CTNND2: variants seen among roughly 807,000 people sequenced by gnomAD.
CTNND2 encodes catenin delta-2.
A neutral mutation model predicts 144.4 loss-of-function variants in CTNND2; 22 were observed. The observed-to-expected ratio is 0.15, with a 90% CI of 0.11 to 0.22. CTNND2 has a LOEUF of 0.22. Ranked by LOEUF, CTNND2 falls within the 10% of genes least tolerant of loss-of-function variation. The pLI is 1.00. For synonymous variants in CTNND2, 751 were observed against 695.6 expected, an observed-to-expected ratio of 1.08 and a Z score of -1.25; for missense variants, 1,353 against 1,618.8, an observed-to-expected ratio of 0.84 and a Z score of 2.82.
chr5:11,605,107 T>C (rs1489933143), intron 2 of CTNND2, among the ~76,000 whole-genome samples: 11 of 152,126 alleles, frequency 7.2e-5, no homozygotes, highest in Non-Finnish European at 1.2e-4. Context: ...GAGAAGATTA[T>C]AGGAATACAA....
intron 16 of CTNND2, among the ~76,000 whole-genome samples, chr5:11,031,792 G>A (rs752686012): frequency 3.3e-5 from 5 of 152,228 alleles, no homozygotes; most frequent in Admixed American, 6.5e-5. Flanking sequence ...CATGCTGGAT[G>A]CTTCTTGCCC....
chr5:11,139,360 C>T (rs1756476180), intron 12 of CTNND2, among the ~76,000 whole-genome samples: 1 of 152,218 alleles, frequency 6.6e-6, no homozygotes. Flanking sequence ...GAGTTCAGGA[C>T]TGTGTGAAAG....
chr5:11,065,495 T>C (rs950821542), intron 16 of CTNND2, among the ~76,000 whole-genome samples: 5 of 152,234 alleles, frequency 3.3e-5, no homozygotes, highest in African/African-American at 1.2e-4. Flanking sequence ...AATTCCTCTA[T>C]TTTCCCCTAT....
intron 9 of CTNND2, among the ~76,000 whole-genome samples, chr5:11,344,270 TA>T (rs1754547886): frequency 1.3e-5 from 2 of 152,064 alleles, no homozygotes; most frequent in Non-Finnish European, 2.9e-5. Flanking sequence ...CGGGCGCCTG[TA>T]GTCCCAGCTA....
intron 12 of CTNND2, among the ~76,000 whole-genome samples, chr5:11,157,615 C>T (rs1176175562): frequency 6.6e-6 from 1 of 152,194 alleles, no homozygotes; most frequent in Non-Finnish European, 1.5e-5. Context: ...AGAAGCAGCA[C>T]AGGAAGTCAT....
chr5:11,394,121 T>C (rs969927408), intron 6 of CTNND2, among the ~76,000 whole-genome samples: 3 of 152,308 alleles, frequency 2.0e-5, no homozygotes, highest in African/African-American at 2.4e-5. Context: ...CACTCCCCCA[T>C]GCACTTTGGA....
At chr5:10,999,846 C>T (rs1739740798) in intron 18 of CTNND2, among the ~76,000 whole-genome samples, 1 of 152,182 alleles carries the variant, frequency 6.6e-6, no homozygotes, top group Non-Finnish European at 1.5e-5. Flanking sequence ...CACTTTCAGC[C>T]TCTGTGCTCA....
intron 2 of CTNND2, among the ~76,000 whole-genome samples, chr5:11,669,360 T>C (rs1783751526): frequency 6.6e-6 from 1 of 152,200 alleles, no homozygotes; most frequent in Non-Finnish European, 1.5e-5. Flanking sequence ...TTTGTACCTC[T>C]GGTAGAATTC....
chr5:11,883,531 T>C (rs1736290472), intron 1 of CTNND2, among the ~76,000 whole-genome samples: 1 of 152,194 alleles, frequency 6.6e-6, no homozygotes, highest in Non-Finnish European at 1.5e-5. Context: ...TATGGCTGCA[T>C]AGTATTCCAC....
intron 9 of CTNND2, among the ~76,000 whole-genome samples, chr5:11,344,391 CAA>C (rs769278963): frequency 1.0e-4 from 11 of 106,766 alleles, no homozygotes; most frequent in Middle Eastern, 5.5e-3. Flanking sequence ...GACTCCGTCT[CAA>C]AAAAAAAAAA....
intron 2 of CTNND2, among the ~76,000 whole-genome samples, chr5:11,662,261 ATGTG>A (rs532140229): frequency 1.5e-4 from 19 of 126,934 alleles, no homozygotes; most frequent in Admixed American, 4.5e-4. Context: ...GTGTGTATAT[ATGTG>A]TGTGTGTGTA....
intron 3 of CTNND2, among the ~76,000 whole-genome samples, chr5:11,472,215 A>T (rs1767293328): frequency 1.3e-5 from 2 of 152,128 alleles, no homozygotes; most frequent in Non-Finnish European, 2.9e-5. Flanking sequence ...TAGAATCTCA[A>T]CTGTTGTAAA....
chr5:11,575,399 T>G (rs1400712760), intron 2 of CTNND2, among the ~76,000 whole-genome samples: 2 of 152,150 alleles, frequency 1.3e-5, no homozygotes, highest in Non-Finnish European at 2.9e-5. Context: ...TTAGATCACT[T>G]TTATAGCACT....
chr5:11,647,101 T>C (rs1782395557), intron 2 of CTNND2, among the ~76,000 whole-genome samples: 1 of 152,260 alleles, frequency 6.6e-6, no homozygotes, highest in African/African-American at 2.4e-5. Flanking sequence ...TGTCCCTGTC[T>C]CCATCACCCT....
intron 3 of CTNND2, among the ~76,000 whole-genome samples, chr5:11,541,844 C>T (rs1038823496): frequency 1.4e-5 from 2 of 143,222 alleles, no homozygotes; most frequent in Non-Finnish European, 3.0e-5. Context: ...ATCGACCCCC[C>T]CCCCCCGGCC....
intron 7 of CTNND2, among the ~76,000 whole-genome samples, chr5:11,378,197 C>A (rs1182260197): frequency 1.3e-5 from 2 of 152,136 alleles, no homozygotes; most frequent in African/African-American, 2.4e-5. Context: ...GCCTGTACTC[C>A]CCAAGTGTGT....
intron 20 of CTNND2, among the ~76,000 whole-genome samples, chr5:10,987,099 A>T (rs1384737259): frequency 6.6e-6 from 1 of 152,164 alleles, no homozygotes; most frequent in Non-Finnish European, 1.5e-5. Context: ...ACCCATCTCC[A>T]TGCCCATGTG....
intron 2 of CTNND2, among the ~76,000 whole-genome samples, chr5:11,610,406 G>A (rs893879449): frequency 6.6e-6 from 1 of 152,164 alleles, no homozygotes; most frequent in African/African-American, 2.4e-5. Context: ...ACCCTGTAAG[G>A]CATGCAATTC....
chr5:11,267,169 G>A (rs564637733), intron 9 of CTNND2, among the ~76,000 whole-genome samples: 25 of 152,300 alleles, frequency 1.6e-4, no homozygotes, highest in African/African-American at 5.5e-4. Context: ...GTGAGCCACC[G>A]TGCCCGACCT....
Sources: gnomAD v4.1 joint callset for allele counts (sites outside exome capture counted in the v4.1 genomes callset) on GRCh38, gnomAD v4.1.1 for gene constraint, MANE v1.5 for transcripts, NCBI Gene and HGNC (gene_info 2026-07-23, HGNC 2026-07-21) for gene names.